The following ITGA2 variants were observed in gnomAD, a reference collection of about 807,000 sequenced individuals.
ITGA2 encodes integrin subunit alpha 2.
A neutral mutation model predicts 146.3 loss-of-function variants in ITGA2; 101 were observed. That is an observed-to-expected ratio of 0.69 (90% CI 0.59 to 0.81). The LOEUF (loss-of-function observed/expected upper bound fraction) is 0.81, where lower values mean the gene tolerates loss of function less well. ITGA2 is among the 40% of genes least tolerant of loss of function. The pLI, the probability that ITGA2 is intolerant of heterozygous loss-of-function variation, is 0.00. For missense variants in ITGA2, 1,281 were observed against 1,402.7 expected (o/e 0.91, Z 1.39); for synonymous variants, 477 against 487.1 (o/e 0.98, Z 0.27).
chr5:53,085,892 G>A (rs1746133222), intron 27 of ITGA2, among the ~76,000 whole-genome samples: 2 of 151,962 alleles, frequency 1.3e-5, no homozygotes, highest in African/African-American at 4.8e-5. Context: ...CATCAATAAT[G>A]TTTCTATTGA....
intron 1 of ITGA2, among the ~76,000 whole-genome samples, chr5:53,006,329 G>T (rs1328024762): frequency 2.0e-5 from 3 of 151,962 alleles, no homozygotes; most frequent in African/African-American, 7.3e-5. Flanking sequence ...TTCTTTTTAG[G>T]GTTCTCCTAT....
At chr5:53,066,680 AC>A (rs1340135646) in intron 15 of ITGA2, among the ~76,000 whole-genome samples, 1 of 151,962 alleles carries the variant, frequency 6.6e-6, no homozygotes, top group Non-Finnish European at 1.5e-5. Flanking sequence ...GATACTATTT[AC>A]AAATCTCACT....
Position 53,094,107 on chromosome 5 carries a change from A to C in ITGA2, c.*3508A>C, listed in dbSNP as rs770917819. On this transcript the variant is annotated 3_prime_UTR_variant, in exon 30 of 30. Coordinates refer to ENST00000296585, the MANE Select transcript of ITGA2 (RefSeq NM_002203.4). ...TATAACCCAATATATGAAAATCTCA[A>C]AAATTAAGACATCATCATACAGAAG... The C allele has an allele frequency of 7.1e-4, 108 of 152,540 alleles. No individual in the cohort carries two copies. Among genetic ancestry groups the C allele is most frequent in the Non-Finnish European group, 2.1e-4 (14 of 68,018 alleles). The allele number at this position is 152,540 out of a possible 1,614,324, so 9.4% of individuals were successfully genotyped here. A position where few individuals can be genotyped will look rare whatever the true frequency, so the allele number is the denominator to read the frequency against.
rs559663135 is a variant in ITGA2 at position 53,021,213 on chromosome 5, C to T, written c.65-5535C>T. Among the ~76,000 whole-genome samples the T allele has an allele frequency of 2.6e-5, 4 of 151,668 alleles. 1 individual carries two copies. In the South Asian group the frequency reaches 8.3e-4, roughly 32 times the overall value. ...AAACTCTGTCTAGTTTATATGCTAC[C>T]ATTTGCATATTCACGCCCCTAATCT... On this transcript the variant is annotated intron_variant, in intron 1 of 29. Coordinates refer to ENST00000296585, the MANE Select transcript of ITGA2 (RefSeq NM_002203.4).
chr5:53,050,358 GCT>G (rs1744294875), intron 6 of ITGA2, among the ~76,000 whole-genome samples: 1 of 152,040 alleles, frequency 6.6e-6, no homozygotes, highest in South Asian at 2.1e-4. Context: ...AAGTCCTGGG[GCT>G]CTGTCGTGGG....
intron 1 of ITGA2, among the ~76,000 whole-genome samples, chr5:53,021,652 C>A (rs1008016859): frequency 6.6e-6 from 1 of 152,198 alleles, no homozygotes; most frequent in Non-Finnish European, 1.5e-5. Context: ...GAGGACCAGT[C>A]CCTCAGGCAT....
chr5:52,995,707 G>A (rs1239852728), intron 1 of ITGA2, among the ~76,000 whole-genome samples: 1 of 152,198 alleles, frequency 6.6e-6, no homozygotes, highest in African/African-American at 2.4e-5. Context: ...TATATGTAGT[G>A]GCGTTAGGAA....
intron 1 of ITGA2, among the ~76,000 whole-genome samples, chr5:52,992,626 T>A (rs1741019759): frequency 6.6e-6 from 1 of 152,210 alleles, no homozygotes. Flanking sequence ...ATGCAACTCC[T>A]GCCACCCAGT....
chr5:53,089,849 T>C (rs567342142), intron 28 of ITGA2, 97 bp from the exon 29 acceptor site: 16 of 796,346 alleles, frequency 2.0e-5, no homozygotes, highest in South Asian at 1.1e-4. Flanking sequence ...TTTCTAGAGC[T>C]GTAGACCTTC....
At position 53,055,556 on chromosome 5, in the gene ITGA2, A is replaced by T; in HGVS notation, c.798A>T (p.Ala266=). The change falls in exon 8 of 30, where the codon GCA becomes GCT. Residue 266 remains alanine (A), a synonymous_variant. Transcript: ENST00000296585. ...GCCACAGAAAATATGCTTATTCAGC[A>T]GCTTCTGGTGGGCGACGAAGTGCTA... is the stretch of plus-strand genomic sequence containing the variant. The part of the protein sequence containing the change: ...IQYARKYAYS[A]ASGGRRSATK... 1 of 1,613,040 alleles carries T rather than the reference A, an allele frequency of 6.2e-7. No individual in the cohort carries two copies.
intron 27 of ITGA2, 91 bp downstream of exon 27, chr5:53,083,544 T>C: frequency 1.2e-6 from 1 of 848,266 alleles, no homozygotes; most frequent in Non-Finnish European, 2.0e-6. Context: ...AAATAAGTAT[T>C]CTGGCTAATG....
chr5:53,087,708 A>G (rs1740172800), intron 28 of ITGA2, among the ~76,000 whole-genome samples: 1 of 151,910 alleles, frequency 6.6e-6, no homozygotes, highest in South Asian at 2.1e-4. Context: ...GCATGAGATA[A>G]TTTTCCTCTG....
chr5:53,058,128 A>G, intron 10 of ITGA2, 27 bp downstream of exon 10: 1 of 1,549,408 alleles, frequency 6.5e-7, no homozygotes, highest in Non-Finnish European at 8.9e-7. Flanking sequence ...GCTTCAAGCC[A>G]TGTTGTCATT....
At chr5:53,025,227 A>T (rs1742882827) in intron 1 of ITGA2, among the ~76,000 whole-genome samples, 3 of 152,220 alleles carry the variant, frequency 2.0e-5, no homozygotes, top group African/African-American at 4.8e-5. Context: ...GGTTGAAAAC[A>T]CCAGGTATTT....
In ITGA2 at chr5:52,989,368, C is replaced by T. The variant is rs1740793134; in HGVS notation, c.-101C>T. 4 of 1,246,292 alleles carry T rather than the reference C, an allele frequency of 3.2e-6. No homozygotes were observed. Among genetic ancestry groups the T allele is most frequent in the Non-Finnish European group, 4.7e-6 (4 of 849,510 alleles). The allele number at this position is 1,246,292 out of a possible 1,614,324, so 77.2% of individuals were successfully genotyped here. ...GGGCGGGGGAGAGAAGCCCTCTGGA[C>T]AGCTTCTAGAGTGTGCAGGTTCTCG... On this transcript the variant is annotated 5_prime_UTR_variant, in exon 1 of 30. Coordinates refer to ENST00000296585, the MANE Select transcript of ITGA2 (RefSeq NM_002203.4).
In ITGA2 at chr5:52,989,504, G is replaced by C; in HGVS notation, c.36G>C (p.Pro12=). The C allele has an allele frequency of 1.9e-6, 3 of 1,613,358 alleles. No homozygotes were observed. The South Asian group carries it at 3.3e-5, about 18-fold the overall frequency. Residue 12 remains proline, a synonymous_variant, in exon 1 of 30, where the codon CCG becomes CCC. Coordinates refer to ENST00000296585, the MANE Select transcript of ITGA2 (RefSeq NM_002203.4). ...GPERTGAAPL[P]LLLVLALSQG... ...AACGGACAGGGGCCGCGCCGCTGCCGCTGCTGCTGGTGTTAGCGCTCAGTC... is the reference window on the plus strand; with the variant it reads ...AACGGACAGGGGCCGCGCCGCTGCCCCTGCTGCTGGTGTTAGCGCTCAGTC...
intron 2 of ITGA2, among the ~76,000 whole-genome samples, chr5:53,028,600 T>C (rs972664413): frequency 6.6e-6 from 1 of 152,180 alleles, no homozygotes; most frequent in Admixed American, 6.5e-5. Flanking sequence ...GTTTTAAATA[T>C]TCAGCCCTAA....
At chr5:53,071,901 T>C (rs1413184312) in intron 17 of ITGA2, 37 bp from the exon 18 acceptor site, 1 of 1,459,232 alleles carries the variant, frequency 6.9e-7, no homozygotes, top group Non-Finnish European at 9.6e-7. Flanking sequence ...AAACTGACTC[T>C]GTCTCCCCCT....
chr5:53,000,890 T>A (rs1160248160), intron 1 of ITGA2, among the ~76,000 whole-genome samples: 1 of 147,126 alleles, frequency 6.8e-6, no homozygotes, highest in South Asian at 2.1e-4. Flanking sequence ...TTTTTCTTTT[T>A]CTTTTTGTTT....
Sources: gnomAD v4.1 joint callset for allele counts (sites outside exome capture counted in the v4.1 genomes callset) on GRCh38, gnomAD v4.1.1 for gene constraint, MANE v1.5 for transcripts, NCBI Gene and HGNC (gene_info 2026-07-23, HGNC 2026-07-21) for gene names.